Variants in AFF3 observed in about 807,000 individuals in gnomAD.
AFF3 encodes ALF transcription elongation factor 3, also known as AF4/FMR2 family member 3.
AFF3 carries 32 observed loss-of-function variants against 129.7 expected under a neutral mutation model. That is an observed-to-expected ratio of 0.25 (90% confidence interval 0.19 to 0.33). The LOEUF is 0.33. AFF3 is among the 10% of genes least tolerant of loss of function. AFF3 has a pLI of 1.00. For synonymous variants in AFF3, 644 were observed against 635.4 expected (o/e 1.01, Z -0.20); for missense variants, 1,373 against 1,592.0 (o/e 0.86, Z 2.34).
chr2:99,580,141 G>A (rs1677389658), intron 17 of AFF3, among the ~76,000 whole-genome samples: 1 of 152,102 alleles, frequency 6.6e-6, no homozygotes, highest in Admixed American at 6.6e-5. Flanking sequence ...ATGAGCGTGT[G>A]CAGTTCTTTC....
At chr2:99,869,238 C>T (rs984567256) in intron 7 of AFF3, among the ~76,000 whole-genome samples, 3 of 152,258 alleles carry the variant, frequency 2.0e-5, no homozygotes, top group Non-Finnish European at 4.4e-5. Flanking sequence ...CGGTAAACTA[C>T]AAGAAATGGA....
intron 7 of AFF3, among the ~76,000 whole-genome samples, chr2:99,989,344 T>A (rs1030198385): frequency 6.6e-6 from 1 of 152,028 alleles, no homozygotes; most frequent in African/African-American, 2.4e-5. Context: ...GACAAAAGAA[T>A]CCAGAATCCA....
At chr2:99,813,903 T>G (rs1686997971) in intron 8 of AFF3, among the ~76,000 whole-genome samples, 1 of 152,204 alleles carries the variant, frequency 6.6e-6, no homozygotes, top group African/African-American at 2.4e-5. Flanking sequence ...CCAAGTTGAG[T>G]ACTACTGAGC....
intron 8 of AFF3, among the ~76,000 whole-genome samples, chr2:99,804,784 A>G (rs1236263933): frequency 6.6e-6 from 1 of 152,162 alleles, no homozygotes; most frequent in African/African-American, 2.4e-5. Context: ...TTTTGTAGCA[A>G]TGTGGATGGA....
intron 8 of AFF3, among the ~76,000 whole-genome samples, chr2:99,807,631 A>G (rs1686454271): frequency 6.6e-6 from 1 of 152,166 alleles, no homozygotes; most frequent in African/African-American, 2.4e-5. Context: ...CATCTGGTAA[A>G]ATAAGGCAGG....
chr2:100,098,962 G>A (rs960630516), intron 4 of AFF3, among the ~76,000 whole-genome samples: 2 of 122,514 alleles, frequency 1.6e-5, no homozygotes, highest in Admixed American at 7.6e-5. Context: ...CCCTAGCCCT[G>A]GAAGCCTCTC....
chr2:100,033,966 C>G (rs995065775), intron 4 of AFF3, among the ~76,000 whole-genome samples: 8 of 152,146 alleles, frequency 5.3e-5, no homozygotes, highest in Admixed American at 1.3e-4. Context: ...CTAATTCTCA[C>G]AATACATATT....
intron 14 of AFF3, among the ~76,000 whole-genome samples, chr2:99,598,544 G>A (rs1392650186): frequency 2.0e-5 from 3 of 152,196 alleles, no homozygotes; most frequent in South Asian, 2.1e-4. Flanking sequence ...CATCTCCTAC[G>A]CAACCCAGCT....
intron 7 of AFF3, among the ~76,000 whole-genome samples, chr2:99,900,215 A>G (rs907196612): frequency 6.6e-6 from 1 of 152,168 alleles, no homozygotes; most frequent in African/African-American, 2.4e-5. Flanking sequence ...TCATGATGAA[A>G]CAAAGTGATG....
intron 7 of AFF3, among the ~76,000 whole-genome samples, chr2:99,872,207 C>CAAAAA (rs397871895): frequency 1.5e-4 from 9 of 61,770 alleles, no homozygotes; most frequent in Admixed American, 2.4e-4. Context: ...GACTCCATCT[C>CAAAAA]AAAAAAAAAA....
chr2:99,546,949 T>C lies in AFF3; in HGVS notation c.*4525A>G, dbSNP rs1674093344. On this transcript the variant is annotated 3_prime_UTR_variant, in exon 25 of 25. Transcript: ENST00000672756. ...GGGACACTGGGAGCGTGCATGTGCA[T>C]ACGTGCATGCATGTGCGCGCGTGTG... 1 of 221,746 alleles carries C rather than the reference T, an allele frequency of 4.5e-6. No individual in the cohort carries two copies. Among genetic ancestry groups the C allele is most frequent in the Non-Finnish European group, 9.0e-6 (1 of 110,924 alleles). The allele number at this position is 221,746 out of a possible 1,614,324, so 13.7% of individuals were successfully genotyped here. A position where few individuals can be genotyped will look rare whatever the true frequency, so the allele number is the denominator to read the frequency against.
At chr2:99,590,870 G>A (rs1452526794) in intron 15 of AFF3, among the ~76,000 whole-genome samples, 4 of 151,896 alleles carry the variant, frequency 2.6e-5, no homozygotes. Flanking sequence ...GCACATGCCT[G>A]TAATCCAAGC....
chr2:100,087,287 AATAATT>A (rs1177355702), intron 4 of AFF3, among the ~76,000 whole-genome samples: 2 of 152,098 alleles, frequency 1.3e-5, no homozygotes, highest in Non-Finnish European at 2.9e-5. Flanking sequence ...TACTTATATA[AATAATT>A]ATATCTTCCC....
At chr2:99,920,438 T>C (rs1407273782) in intron 7 of AFF3, among the ~76,000 whole-genome samples, 2 of 152,096 alleles carry the variant, frequency 1.3e-5, no homozygotes, top group African/African-American at 2.4e-5. Context: ...CATGATCATT[T>C]CAGTAGACTC....
intron 7 of AFF3, among the ~76,000 whole-genome samples, chr2:99,877,246 G>A (rs766024495): frequency 3.3e-5 from 5 of 152,160 alleles, no homozygotes; most frequent in Non-Finnish European, 5.9e-5. Context: ...TGAATGACTC[G>A]TCAAACAGTG....
At position 100,098,408 on chromosome 2, in the gene AFF3, C is replaced by A. The variant is rs568726930; in HGVS notation, c.53+5994G>T. Reference sequence around the variant, plus strand: ...TAAAAAAAAAATCAAACAGGCAAATCTATTCCAGGTTAAAAATTCCACTTA... The same window carrying A: ...TAAAAAAAAAATCAAACAGGCAAATATATTCCAGGTTAAAAATTCCACTTA... On this transcript the variant is annotated intron_variant, in intron 4 of 24. Transcript: ENST00000672756. Among the ~76,000 whole-genome samples the A allele has an allele frequency of 1.9e-3, 285 of 151,904 alleles. 1 individual carries two copies. Among genetic ancestry groups the A allele is most frequent in the South Asian group, 4.0e-3 (19 of 4,792 alleles).
intron 7 of AFF3, among the ~76,000 whole-genome samples, chr2:99,852,310 C>T (rs1490832218): frequency 1.3e-5 from 2 of 151,950 alleles, no homozygotes; most frequent in African/African-American, 2.4e-5. Context: ...AAAAACCTCC[C>T]GAGAGACTAT....
intron 11 of AFF3, among the ~76,000 whole-genome samples, chr2:99,723,238 G>A (rs1387210701): frequency 6.6e-6 from 1 of 152,012 alleles, no homozygotes; most frequent in Non-Finnish European, 1.5e-5. Flanking sequence ...TATATTGAAG[G>A]ATTACTCGGG....
chr2:99,857,208 CTGTT>C (rs1253369517), intron 7 of AFF3, among the ~76,000 whole-genome samples: 6 of 152,126 alleles, frequency 3.9e-5, no homozygotes, highest in Non-Finnish European at 7.4e-5. Flanking sequence ...TAATTGGTAT[CTGTT>C]TGAGAGCTCA....
Sources: allele counts gnomAD v4.1 joint callset (sites outside exome capture counted in the v4.1 genomes callset), GRCh38; gene constraint gnomAD v4.1.1; transcripts MANE v1.5; gene names NCBI Gene and HGNC (gene_info 2026-07-23, HGNC 2026-07-21).